The following PTPRD variants were observed in gnomAD, a reference collection of about 807,000 sequenced individuals.
PTPRD encodes the protein receptor-type tyrosine-protein phosphatase delta.
In PTPRD, 34 loss-of-function variants were observed where a neutral mutation model predicts 214.5. That is an observed-to-expected ratio of 0.16 (90% CI 0.12 to 0.21). The LOEUF (loss-of-function observed/expected upper bound fraction) is 0.21. Among genes scored for constraint, PTPRD ranks in the 10% least tolerant of loss-of-function variants. The probability of loss-of-function intolerance (pLI) is 1.00; values close to 1 mark genes in which losing one functional copy is unlikely to be tolerated. For synonymous variants in PTPRD, 1,128 were observed against 845.7 expected (o/e 1.33, Z -5.79); for missense variants, 2,545 against 2,398.7 (o/e 1.06, Z -1.27).
intron 30 of PTPRD, among the ~76,000 whole-genome samples, chr9:8,471,952 T>A (rs10977137): frequency 0.15 from 22,061 of 152,094 alleles, 2,353 homozygotes; most frequent in African/African-American, 0.3. Context: ...AACATACTGT[T>A]TAATAATAAC....
At chr9:8,328,422 C>T (rs58848357) in intron 44 of PTPRD, among the ~76,000 whole-genome samples, 9,170 of 152,152 alleles carry the variant, frequency 0.06, 318 homozygotes, top group Middle Eastern at 0.14. Context: ...GTGGGCACGC[C>T]GACATTTGTC....
At chr9:10,298,499 T>C (rs1318298300) in intron 3 of PTPRD, among the ~76,000 whole-genome samples, 1 of 152,210 alleles carries the variant, frequency 6.6e-6, no homozygotes, top group African/African-American at 2.4e-5. Flanking sequence ...ATGCATCTTT[T>C]CATTCTGCTG....
chr9:8,478,406 G>C (rs944191840), intron 30 of PTPRD, among the ~76,000 whole-genome samples: 3 of 152,072 alleles, frequency 2.0e-5, no homozygotes, highest in East Asian at 1.9e-4. Flanking sequence ...CAAAGAAATT[G>C]AAAATTTCAT....
intron 8 of PTPRD, among the ~76,000 whole-genome samples, chr9:9,446,028 T>C (rs2090278362): frequency 6.6e-6 from 1 of 152,200 alleles, no homozygotes; most frequent in Non-Finnish European, 1.5e-5. Context: ...CACTTTAAAT[T>C]ATGTTCTATT....
intron 9 of PTPRD, among the ~76,000 whole-genome samples, chr9:9,269,101 A>G (rs1034231081): frequency 6.6e-6 from 1 of 151,456 alleles, no homozygotes; most frequent in Non-Finnish European, 1.5e-5. Context: ...AAATATCTGC[A>G]AACCACATAT....
chr9:9,296,887 G>T (rs903079094), intron 9 of PTPRD, among the ~76,000 whole-genome samples: 3 of 151,698 alleles, frequency 2.0e-5, no homozygotes, highest in African/African-American at 7.3e-5. Context: ...AATATGGGAG[G>T]TTCTAGAAGA....
intron 5 of PTPRD, among the ~76,000 whole-genome samples, chr9:9,813,022 A>C (rs1302531152): frequency 4.6e-5 from 7 of 152,128 alleles, no homozygotes; most frequent in African/African-American, 1.7e-4. Flanking sequence ...AAAATTCACA[A>C]ATATGTGGAA....
intron 3 of PTPRD, among the ~76,000 whole-genome samples, chr9:10,251,604 A>G (rs1341813511): frequency 6.6e-6 from 1 of 152,222 alleles, no homozygotes; most frequent in Admixed American, 6.5e-5. Context: ...ATAATAAATC[A>G]CACAGAACAT....
intron 8 of PTPRD, among the ~76,000 whole-genome samples, chr9:9,453,176 A>T (rs889652731): frequency 6.6e-6 from 1 of 151,538 alleles, no homozygotes; most frequent in Non-Finnish European, 1.5e-5. Context: ...TGCAAACTTA[A>T]ATAATGTTAT....
At chr9:10,181,773 A>G (rs536751069) in intron 3 of PTPRD, among the ~76,000 whole-genome samples, 2 of 147,892 alleles carry the variant, frequency 1.4e-5, no homozygotes, top group African/African-American at 5.0e-5. Flanking sequence ...TACATGGAGG[A>G]AAAAAAAAAC....
chr9:10,278,592 T>C (rs1456232980), intron 3 of PTPRD, among the ~76,000 whole-genome samples: 1 of 152,200 alleles, frequency 6.6e-6, no homozygotes, highest in Non-Finnish European at 1.5e-5. Context: ...CAAAAAGTTC[T>C]ATCTCCTGAT....
At chr9:10,112,601 G>A (rs570205643) in intron 3 of PTPRD, among the ~76,000 whole-genome samples, 2 of 152,264 alleles carry the variant, frequency 1.3e-5, no homozygotes, top group South Asian at 4.1e-4. Flanking sequence ...GATTAACCCT[G>A]CCCAGGCCGT....
intron 11 of PTPRD, among the ~76,000 whole-genome samples, chr9:8,783,103 T>C (rs1407106161): frequency 1.3e-5 from 2 of 152,116 alleles, no homozygotes; most frequent in Non-Finnish European, 2.9e-5. Flanking sequence ...TTACAGCATA[T>C]CAACATGACC....
intron 5 of PTPRD, among the ~76,000 whole-genome samples, chr9:9,918,864 A>T (rs1602113499): frequency 6.6e-6 from 1 of 152,156 alleles, no homozygotes; most frequent in South Asian, 2.1e-4. Flanking sequence ...GAAGAATTAG[A>T]CCCCTGCCTC....
At chr9:9,276,404 G>C (rs962478631) in intron 9 of PTPRD, among the ~76,000 whole-genome samples, 6 of 151,308 alleles carry the variant, frequency 4.0e-5, no homozygotes, top group African/African-American at 1.2e-4. Flanking sequence ...CAGAGGCCCG[G>C]GGCAAAGGTC....
chr9:9,985,754 A>G (rs537750203), intron 4 of PTPRD, among the ~76,000 whole-genome samples: 61 of 152,014 alleles, frequency 4.0e-4, no homozygotes, highest in Non-Finnish European at 8.1e-4. Flanking sequence ...ATCATTTATA[A>G]TAACAGTTTT....
At chr9:10,225,338 C>T (rs957329012) in intron 3 of PTPRD, among the ~76,000 whole-genome samples, 2 of 151,790 alleles carry the variant, frequency 1.3e-5, no homozygotes, top group East Asian at 1.9e-4. Flanking sequence ...TGCTATACAC[C>T]GTAATTTGTT....
chr9:9,226,296 A>C (rs892036106), intron 9 of PTPRD, among the ~76,000 whole-genome samples: 2 of 151,896 alleles, frequency 1.3e-5, no homozygotes, highest in African/African-American at 4.8e-5. Context: ...CCTCAGATCA[A>C]AGCTATTATT....
At chr9:8,688,190 C>T (rs981574251) in intron 12 of PTPRD, among the ~76,000 whole-genome samples, 3 of 152,050 alleles carry the variant, frequency 2.0e-5, no homozygotes, top group African/African-American at 7.2e-5. Flanking sequence ...CCTTCTTATC[C>T]TTCTCATTTC....
Sources: gnomAD v4.1 joint callset for allele counts (sites outside exome capture counted in the v4.1 genomes callset) on GRCh38, gnomAD v4.1.1 for gene constraint, MANE v1.5 for transcripts, NCBI Gene and HGNC (gene_info 2026-07-23, HGNC 2026-07-21) for gene names.